The following ZNF98 variants were observed in gnomAD, a reference collection of about 807,000 sequenced individuals.
ZNF98 encodes zinc finger protein 739.
ZNF98 carries 8 observed loss-of-function variants against 12.8 expected under a neutral mutation model. The observed-to-expected ratio is 0.63, with a 90% CI of 0.37 to 1.13. The LOEUF (loss-of-function observed/expected upper bound fraction) is 1.13. Ranked by LOEUF, ZNF98 falls within the 50% of genes most tolerant of loss-of-function variation. The pLI is 0.01. For synonymous variants in ZNF98, 112 were observed against 223.5 expected, an observed-to-expected ratio of 0.50 and a Z score of 4.45; for missense variants, 379 against 666.1, an observed-to-expected ratio of 0.57 and a Z score of 4.74.
rs535507549 is a variant in ZNF98 at position 22,409,691 on chromosome 19, C to T, written c.31-6179G>A. On this transcript the variant is annotated intron_variant, in intron 1 of 3. Transcript: ENST00000357774. Reference sequence around the variant, plus strand: ...CTTTCGGAGGCCGAGATGGGTAGATCATTTAAGGCCAGGAGTTCTAGACCA... The same window carrying T: ...CTTTCGGAGGCCGAGATGGGTAGATTATTTAAGGCCAGGAGTTCTAGACCA... Among the ~76,000 whole-genome samples the T allele has an allele frequency of 3.9e-5, 6 of 152,118 alleles. No individual in the cohort carries two copies. The East Asian group carries it at 7.7e-4, about 20-fold the overall frequency.
chr19:22,397,232 G>GTT (rs1969407262), intron 3 of ZNF98, among the ~76,000 whole-genome samples: 1 of 151,564 alleles, frequency 6.6e-6, no homozygotes, highest in South Asian at 2.1e-4. Context: ...GTGTGTGTGT[G>GTT]TGTATCTCAC....
chr19:22,398,148 C>A (rs1189853132), intron 3 of ZNF98, among the ~76,000 whole-genome samples: 2 of 152,046 alleles, frequency 1.3e-5, no homozygotes, highest in Non-Finnish European at 2.9e-5. Flanking sequence ...AATATTCTAA[C>A]AACTATAAAG....
In ZNF98 at chr19:22,391,647, A is replaced by T; in HGVS notation, c.1588T>A (p.Ser530Thr). The change falls in exon 4 of 4, where the codon TCC (serine) becomes ACC (threonine). Residue 530 changes from serine to threonine, a missense_variant. By Grantham distance (58) the Ser-to-Thr change is moderately conservative. This residue lies in a region of ZNF98 where 59 missense variants were observed against 50.3 expected (regional missense o/e 1.17). Coordinates refer to ENST00000357774, the MANE Select transcript of ZNF98 (RefSeq NM_001098626.2). ...ATCTTATGTCTGTTAAGAATAGAGG[A>T]GTTGTTAAAGGCTTTGCCGCATTCT... ...CEECGKAFNN[S>T]SILNRHKMIH... 6.2e-7 allele frequency: 1 copy of T among 1,613,828 alleles called. No homozygotes were observed. The highest frequency in any genetic ancestry group is 8.5e-7 in the Non-Finnish European group (1 of 1,179,846).
chr19:22,413,091 A>G (rs1309460750), intron 1 of ZNF98, among the ~76,000 whole-genome samples: 3 of 151,816 alleles, frequency 2.0e-5, no homozygotes, highest in Non-Finnish European at 4.4e-5. Flanking sequence ...AAAAAAAATA[A>G]TAATAATGAG....
At chr19:22,414,232 C>CAAAAAAAAAAAAAAAAAAAAA (rs57966582) in intron 1 of ZNF98, among the ~76,000 whole-genome samples, 2 of 89,392 alleles carry the variant, frequency 2.2e-5, no homozygotes, top group African/African-American at 1.2e-4. Flanking sequence ...GACTCCATCT[C>CAAAAAAAAAAAAAAAAAAAAA]AAAAAAAAAA....
chr19:22,411,754 T>C (rs1255073700), intron 1 of ZNF98, among the ~76,000 whole-genome samples: 2 of 152,224 alleles, frequency 1.3e-5, no homozygotes, highest in Non-Finnish European at 2.9e-5. Flanking sequence ...TTTTCACATA[T>C]GTGAATAAAG....
intron 3 of ZNF98, among the ~76,000 whole-genome samples, chr19:22,398,173 C>T (rs1969418434): frequency 6.6e-6 from 1 of 152,206 alleles, no homozygotes; most frequent in Admixed American, 6.5e-5. Context: ...ATCCTGATGA[C>T]TTTATGCAAA....
chr19:22,398,904 A>C (rs1438890683), intron 3 of ZNF98, among the ~76,000 whole-genome samples: 1 of 152,200 alleles, frequency 6.6e-6, no homozygotes, highest in Non-Finnish European at 1.5e-5. Flanking sequence ...CTAAGAAAAA[A>C]TATATACAAG....
At chr19:22,402,429 T>C in intron 3 of ZNF98, 1 of 403,912 alleles carries the variant, frequency 2.5e-6, no homozygotes, top group Non-Finnish European at 4.3e-6. Context: ...AAAACAGAAC[T>C]TGAAAAACAG....
At chr19:22,414,497 A>G (rs2145121303) in intron 1 of ZNF98, among the ~76,000 whole-genome samples, 1 of 152,236 alleles carries the variant, frequency 6.6e-6, no homozygotes, top group East Asian at 1.9e-4. Context: ...ACTATACTAC[A>G]GGGTACAGTA....
chr19:22,395,362 C>T (rs1969379673), intron 3 of ZNF98, among the ~76,000 whole-genome samples: 1 of 151,664 alleles, frequency 6.6e-6, no homozygotes, highest in South Asian at 2.1e-4. Flanking sequence ...TGACAGGTAG[C>T]TTTTTTGATG....
At chr19:22,405,916 C>G (rs1488682285) in intron 1 of ZNF98, among the ~76,000 whole-genome samples, 1 of 152,260 alleles carries the variant, frequency 6.6e-6, no homozygotes, top group African/African-American at 2.4e-5. Context: ...TTTGTGGGGC[C>G]ACCCTGCAGG....
At chr19:22,407,329 T>A (rs1462023043) in intron 1 of ZNF98, among the ~76,000 whole-genome samples, 1 of 150,612 alleles carries the variant, frequency 6.6e-6, no homozygotes, top group Non-Finnish European at 1.5e-5. Flanking sequence ...AGTGCTGGGA[T>A]TACAGGCGTG....
Position 22,391,221 on chromosome 19 carries a change from T to A in ZNF98, c.*295A>T. The A allele has an allele frequency of 2.4e-6, 1 of 412,596 alleles. No individual in the cohort carries two copies. The highest frequency in any genetic ancestry group is 5.2e-5 in the East Asian group (1 of 19,342). The allele number at this position is 412,596 out of a possible 1,614,324, so 25.6% of individuals were successfully genotyped here. Reference sequence around the variant, plus strand: ...TTCAAAATAAATCCTCTTCAGCACTTTAAATGCTTATATTTTCTGAACTCT... The same window carrying A: ...TTCAAAATAAATCCTCTTCAGCACTATAAATGCTTATATTTTCTGAACTCT... On this transcript the variant is annotated 3_prime_UTR_variant, in exon 4 of 4. Transcript: ENST00000357774.
Position 22,395,107 on chromosome 19 carries a change from G to A in ZNF98, c.254-2126C>T, listed in dbSNP as rs1599383546. Reference sequence around the variant, plus strand: ...TAATCACTTGAACCGGAGAAGTGGAGGCTGCAGTGGGCTGAGACCATGCCA... The same window carrying A: ...TAATCACTTGAACCGGAGAAGTGGAAGCTGCAGTGGGCTGAGACCATGCCA... On this transcript the variant is annotated intron_variant, in intron 3 of 3. Coordinates refer to ENST00000357774, the MANE Select transcript of ZNF98 (RefSeq NM_001098626.2). Among the ~76,000 whole-genome samples, 4 of 151,402 alleles carry A rather than the reference G, an allele frequency of 2.6e-5. No homozygotes were observed. In the South Asian group the frequency reaches 8.3e-4, roughly 32 times the overall value.
At chr19:22,410,633 G>A (rs893243446) in intron 1 of ZNF98, among the ~76,000 whole-genome samples, 3 of 152,102 alleles carry the variant, frequency 2.0e-5, no homozygotes, top group African/African-American at 7.2e-5. Context: ...ACCTAGAAGG[G>A]TCAGTACATG....
chr19:22,403,001 T>C (rs1041801336), intron 2 of ZNF98, 117 bp from the exon 3 acceptor site: 2 of 881,446 alleles, frequency 2.3e-6, no homozygotes, highest in Middle Eastern at 2.5e-4. Context: ...AAAATACTAA[T>C]ACACAACAAA....
chr19:22,414,363 T>TA (rs764866486), intron 1 of ZNF98, among the ~76,000 whole-genome samples: 13 of 150,440 alleles, frequency 8.6e-5, no homozygotes, highest in Admixed American at 7.9e-4. Context: ...TTAACAGAAC[T>TA]AAAAAAACAA....
rs1246748944 is a variant in ZNF98 at position 22,401,640 on chromosome 19, C to T, written c.253+1149G>A. Among the ~76,000 whole-genome samples the T allele has an allele frequency of 6.6e-5, 10 of 151,646 alleles. No individual in the cohort carries two copies. In the East Asian group the frequency reaches 1.4e-3, roughly 21 times the overall value. On this transcript the variant is annotated intron_variant, in intron 3 of 3. Transcript: ENST00000357774. Reference sequence around the variant, plus strand: ...CTGGAATTACAGGCGCCTGTCACCACGCCTGACTAATTTTTTGTATTTTTA... The same window carrying T: ...CTGGAATTACAGGCGCCTGTCACCATGCCTGACTAATTTTTTGTATTTTTA...
Sources: gnomAD v4.1 joint callset for allele counts (sites outside exome capture counted in the v4.1 genomes callset) on GRCh38, gnomAD v4.1.1 for gene constraint, gnomAD v4.1.1 regional missense constraint, MANE v1.5 for transcripts, NCBI Gene and HGNC (gene_info 2026-07-23, HGNC 2026-07-21) for gene names.